The following MYO5A variants were observed in gnomAD, a reference collection of about 807,000 sequenced individuals.
The protein encoded by MYO5A is myosin VA.
MYO5A carries 98 observed loss-of-function variants against 249.7 expected under a neutral mutation model. The observed-to-expected ratio is 0.39, with a 90% CI of 0.33 to 0.46. MYO5A has a LOEUF of 0.46. Among genes scored for constraint, MYO5A ranks in the 20% least tolerant of loss-of-function variants. MYO5A has a pLI of 0.98. For synonymous variants in MYO5A, 778 were observed against 810.6 expected, an observed-to-expected ratio of 0.96 and a Z score of 0.68; for missense variants, 1,696 against 2,308.8, an observed-to-expected ratio of 0.73 and a Z score of 5.44.
intron 2 of MYO5A, 65 bp from the exon 3 acceptor site, chr15:52,428,634 A>G (rs2075449570): frequency 6.4e-7 from 1 of 1,555,552 alleles, no homozygotes. Context: ...AGGCCCATGC[A>G]TTTTGCTTAC....
At chr15:52,483,695 T>C (rs952117357) in intron 1 of MYO5A, among the ~76,000 whole-genome samples, 4 of 152,168 alleles carry the variant, frequency 2.6e-5, no homozygotes, top group Non-Finnish European at 5.9e-5. Context: ...ATTGAGCAAA[T>C]GTTATGTTAA....
intron 16 of MYO5A, among the ~76,000 whole-genome samples, chr15:52,381,148 G>A (rs550017504): frequency 4.0e-5 from 6 of 150,798 alleles, no homozygotes; most frequent in African/African-American, 1.2e-4. Flanking sequence ...AGTTCTGAGC[G>A]ATCCATCCGG....
At chr15:52,437,893 A>C in intron 1 of MYO5A, 3 of 242,550 alleles carry the variant, frequency 1.2e-5, no homozygotes, top group Non-Finnish European at 2.0e-5. Context: ...GTGGGAGGAT[A>C]AGGCCCTCAT....
At chr15:52,487,308 C>CA (rs2076842124) in intron 1 of MYO5A, among the ~76,000 whole-genome samples, 1 of 151,952 alleles carries the variant, frequency 6.6e-6, no homozygotes, top group African/African-American at 2.4e-5. Context: ...TCCAGCTACT[C>CA]AGGGGGCTGA....
chr15:52,364,951 C>A (rs955684468), intron 23 of MYO5A, among the ~76,000 whole-genome samples: 1 of 152,198 alleles, frequency 6.6e-6, no homozygotes, highest in East Asian at 1.9e-4. Flanking sequence ...AATTGATACA[C>A]TGGTTACAGC....
chr15:52,337,692 T>G, intron 33 of MYO5A, 118 bp downstream of exon 33: 1 of 657,408 alleles, frequency 1.5e-6, no homozygotes, highest in Non-Finnish European at 2.5e-6. Context: ...GAGAAACAGG[T>G]TTCGTGAAAA....
chr15:52,314,695 AAAAGATCAT>A (rs143475429), intron 40 of MYO5A, among the ~76,000 whole-genome samples: 13,085 of 152,188 alleles, frequency 0.086, 1,715 homozygotes, highest in African/African-American at 0.29. Flanking sequence ...ATATTTTTAT[AAAAGATCAT>A]AAATAACATG....
chr15:52,371,241 CCT>C (rs2041096929), intron 21 of MYO5A, among the ~76,000 whole-genome samples: 1 of 152,090 alleles, frequency 6.6e-6, no homozygotes, highest in Admixed American at 6.6e-5. Context: ...CATTCTGATC[CCT>C]GTTTTGCTTT....
chr15:52,487,489 C>T (rs188020626), intron 1 of MYO5A, among the ~76,000 whole-genome samples: 17 of 151,884 alleles, frequency 1.1e-4, no homozygotes, highest in Middle Eastern at 3.4e-3. Context: ...TTTGGGAGGC[C>T]GAGGCAAGTA....
intron 1 of MYO5A, among the ~76,000 whole-genome samples, chr15:52,448,865 T>C (rs1278341779): frequency 6.6e-6 from 1 of 151,636 alleles, no homozygotes; most frequent in Non-Finnish European, 1.5e-5. Flanking sequence ...ACATCCTATA[T>C]AGCATGTGGA....
In MYO5A at chr15:52,351,481, G is replaced by A. The variant is rs746171056; in HGVS notation, c.3622C>T (p.Arg1208Cys). 5 of 1,613,300 alleles carry A rather than the reference G, an allele frequency of 3.1e-6. No individual in the cohort carries two copies. In the South Asian group the frequency reaches 4.4e-5, roughly 14 times the overall value. Residue 1208 changes from arginine to cysteine, a missense_variant and splice_region_variant, in exon 28 of 42, where the codon CGT becomes TGT. By Grantham distance (180) the Arg-to-Cys change is radical. Around this residue, in one of 5 missense-constraint regions of MYO5A, gnomAD observed 625 missense variants for 908.1 expected, o/e 0.69. Transcript: ENST00000399233. ...GAELEYESLK[R>C]QELESENKKL... ...TTGTTTTCTGATTCTAGTTCTTGAC[G>A]CTGTATGAAAAGACAAAGAAAAGTT...
chr15:52,437,368 G>T (rs1041948884), intron 1 of MYO5A, among the ~76,000 whole-genome samples: 1 of 152,146 alleles, frequency 6.6e-6, no homozygotes, highest in Non-Finnish European at 1.5e-5. Context: ...GCTTAGGCAG[G>T]CGGATCACTT....
intron 31 of MYO5A, 131 bp from the exon 32 acceptor site, chr15:52,340,525 C>A: frequency 1.3e-6 from 1 of 798,112 alleles, no homozygotes; most frequent in Non-Finnish European, 2.0e-6. Context: ...TATCTTCTGA[C>A]TTGATTAAAG....
Position 52,313,412 on chromosome 15 carries a change from C to T in MYO5A, c.*284G>A. The T allele has an allele frequency of 2.4e-6, 1 of 413,942 alleles. No homozygotes were observed. The highest frequency in any genetic ancestry group is 4.5e-6 in the Non-Finnish European group (1 of 222,176). The allele number at this position is 413,942 out of a possible 1,614,324, so 25.6% of individuals were successfully genotyped here. Reference sequence around the variant, plus strand: ...TGCCAGCTGAAGACACATTTTTCTCCTCCTTTCCTTCCTCCCTTCCTTCCA... The same window carrying T: ...TGCCAGCTGAAGACACATTTTTCTCTTCCTTTCCTTCCTCCCTTCCTTCCA... On this transcript the variant is annotated 3_prime_UTR_variant, in exon 42 of 42. Transcript: ENST00000399233.
At chr15:52,473,827 A>T (rs2076531849) in intron 1 of MYO5A, among the ~76,000 whole-genome samples, 1 of 152,182 alleles carries the variant, frequency 6.6e-6, no homozygotes. Context: ...AGGTAGTGTG[A>T]TGCCTCCAGC....
At chr15:52,492,093 T>C (rs2076946194) in intron 1 of MYO5A, among the ~76,000 whole-genome samples, 1 of 152,162 alleles carries the variant, frequency 6.6e-6, no homozygotes, top group Admixed American at 6.5e-5. Context: ...ATTATAAACA[T>C]TTTTAGGTGT....
At chr15:52,323,922 T>TAA (rs1389605413) in intron 36 of MYO5A, 1 of 180,792 alleles carries the variant, frequency 5.5e-6, no homozygotes, top group African/African-American at 2.6e-5. Flanking sequence ...GAGAATCACT[T>TAA]AAATCCAGGA....
At chr15:52,516,891 T>A (rs2077507419) in intron 1 of MYO5A, among the ~76,000 whole-genome samples, 1 of 152,240 alleles carries the variant, frequency 6.6e-6, no homozygotes, top group African/African-American at 2.4e-5. Flanking sequence ...AGAAGCTTCA[T>A]GTTTTTTCTC....
At chr15:52,434,696 T>C (rs1253716467) in intron 1 of MYO5A, among the ~76,000 whole-genome samples, 1 of 152,246 alleles carries the variant, frequency 6.6e-6, no homozygotes, top group Non-Finnish European at 1.5e-5. Context: ...GAATACCACA[T>C]TGAAGAAGTG....
Sources: gnomAD v4.1 joint callset for allele counts (sites outside exome capture counted in the v4.1 genomes callset) on GRCh38, gnomAD v4.1.1 for gene constraint, gnomAD v4.1.1 regional missense constraint, MANE v1.5 for transcripts, NCBI Gene and HGNC (gene_info 2026-07-23, HGNC 2026-07-21) for gene names.